The following SAMMSON variants were observed in gnomAD, a reference collection of about 807,000 sequenced individuals.
SAMMSON encodes long intergenic non-protein coding RNA 1212.
chr3:70,356,325 G>A (rs986597623), intron 8 of SAMMSON, among the ~76,000 whole-genome samples: 7 of 151,970 alleles, frequency 4.6e-5, no homozygotes, highest in African/African-American at 1.7e-4. Flanking sequence ...TTAAGATTTT[G>A]GCATATGTTT....
chr3:70,211,419 CTTTGCCCTTCCCTTCCCTTCCCTTCCT>C (rs1701345915), intron 4 of SAMMSON, among the ~76,000 whole-genome samples: 1 of 37,062 alleles, frequency 2.7e-5, no homozygotes, highest in Non-Finnish European at 7.0e-5. Flanking sequence ...CTTCCCTTCC[CTTTGCCCTTCCCTTCCCTTCCCTTCCT>C]TTCCCTTCCC....
intron 4 of SAMMSON, among the ~76,000 whole-genome samples, chr3:70,219,943 C>T (rs539850702): frequency 6.6e-6 from 1 of 152,160 alleles, no homozygotes; most frequent in Non-Finnish European, 1.5e-5. Flanking sequence ...ATTTCCTGAG[C>T]AGAAACAATT....
chr3:70,056,114 T>C (rs1375595267), intron 3 of SAMMSON, among the ~76,000 whole-genome samples: 1 of 152,076 alleles, frequency 6.6e-6, no homozygotes, highest in African/African-American at 2.4e-5. Context: ...CTTTCTTTCT[T>C]TCCCATTCTT....
At chr3:70,002,704 G>T (rs2066910991) in intron 1 of SAMMSON, among the ~76,000 whole-genome samples, 1 of 152,110 alleles carries the variant, frequency 6.6e-6, no homozygotes. Flanking sequence ...TACTAATTTA[G>T]TTGCTAGAGG....
chr3:70,234,729 C>A (rs1030533724), intron 4 of SAMMSON, among the ~76,000 whole-genome samples: 1 of 152,072 alleles, frequency 6.6e-6, no homozygotes, highest in African/African-American at 2.4e-5. Flanking sequence ...AATTTGAAAT[C>A]TTTGTGATCT....
At chr3:70,075,997 T>C (rs556803353) in intron 4 of SAMMSON, among the ~76,000 whole-genome samples, 2 of 152,160 alleles carry the variant, frequency 1.3e-5, no homozygotes, top group African/African-American at 2.4e-5. Flanking sequence ...GTAGAACTTA[T>C]GAATACTTAA....
intron 7 of SAMMSON, among the ~76,000 whole-genome samples, chr3:70,337,044 T>C (rs1303075074): frequency 8.3e-6 from 1 of 120,524 alleles, no homozygotes; most frequent in Admixed American, 8.5e-5. Flanking sequence ...ATATCTAACT[T>C]AATATTATTA....
At position 70,170,156 on chromosome 3, in the gene SAMMSON, C is replaced by T. The variant is rs2106698703; in HGVS notation, n.508-78951C>T. 2.0e-5 allele frequency among the ~76,000 whole-genome samples: 3 copies of T among 151,930 alleles called. No homozygotes were observed. In the East Asian group the frequency reaches 5.8e-4, roughly 29 times the overall value. On this transcript the variant is annotated intron_variant and non_coding_transcript_variant, in intron 4 of 9. Transcript: ENST00000642114. The stretch of plus-strand genomic sequence containing the variant: ...GAGTTTTATGATTTTATAGTTAAAT[C>T]AATACCCAGATTTATGCCTTTTGGA...
chr3:70,252,656 A>G (rs1463171832), intron 6 of SAMMSON, among the ~76,000 whole-genome samples: 1 of 152,172 alleles, frequency 6.6e-6, no homozygotes, highest in African/African-American at 2.4e-5. Flanking sequence ...GTTCCAACTA[A>G]TTTCATCATT....
intron 4 of SAMMSON, among the ~76,000 whole-genome samples, chr3:70,212,767 T>C (rs1701364073): frequency 6.6e-6 from 1 of 151,856 alleles, no homozygotes; most frequent in Non-Finnish European, 1.5e-5. Context: ...AATGGCTCAC[T>C]ATTACCTGAA....
At chr3:70,235,947 C>A (rs1183566679) in intron 4 of SAMMSON, among the ~76,000 whole-genome samples, 2 of 152,144 alleles carry the variant, frequency 1.3e-5, no homozygotes, top group Non-Finnish European at 2.9e-5. Context: ...CCATTTTTCC[C>A]ACCATCATGA....
intron 7 of SAMMSON, among the ~76,000 whole-genome samples, chr3:70,311,561 T>G (rs1259086976): frequency 2.6e-5 from 4 of 152,200 alleles, no homozygotes; most frequent in Admixed American, 2.6e-4. Context: ...TTTAGTCTTC[T>G]TGGCTATAAA....
At chr3:70,068,335 C>A (rs1214542194) in intron 3 of SAMMSON, 1 of 151,988 alleles carries the variant, frequency 6.6e-6, no homozygotes. Flanking sequence ...CTCCCTGAAG[C>A]CTGCAAGGGA....
intron 7 of SAMMSON, among the ~76,000 whole-genome samples, chr3:70,326,567 T>G (rs535312356): frequency 6.6e-6 from 1 of 152,142 alleles, no homozygotes; most frequent in Non-Finnish European, 1.5e-5. Flanking sequence ...TCGGCATGAA[T>G]TTCAGTCCAG....
chr3:70,292,032 C>T (rs910488704), intron 7 of SAMMSON: 1 of 152,180 alleles, frequency 6.6e-6, no homozygotes, highest in Non-Finnish European at 1.5e-5. Context: ...TAAATAGTCT[C>T]TTCCTTCAAG....
chr3:70,230,397 G>C (rs1701546914), intron 4 of SAMMSON, among the ~76,000 whole-genome samples: 1 of 152,034 alleles, frequency 6.6e-6, no homozygotes, highest in Non-Finnish European at 1.5e-5. Context: ...GTGTATATTT[G>C]AGGGCTGGTG....
chr3:70,039,814 T>C (rs2067099913), intron 3 of SAMMSON, among the ~76,000 whole-genome samples: 1 of 152,074 alleles, frequency 6.6e-6, no homozygotes, highest in Admixed American at 6.6e-5. Flanking sequence ...GGAACAGGAA[T>C]CTTGGTGGAG....
At chr3:70,302,718 C>T (rs1702363109) in intron 7 of SAMMSON, 1 of 152,192 alleles carries the variant, frequency 6.6e-6, no homozygotes, top group South Asian at 2.1e-4. Flanking sequence ...ATTTGATGTA[C>T]TGCCTTATCA....
At chr3:70,425,879 G>C (rs1701361754) in intron 2 of SAMMSON, among the ~76,000 whole-genome samples, 1 of 152,172 alleles carries the variant, frequency 6.6e-6, no homozygotes, top group African/African-American at 2.4e-5. Flanking sequence ...TAATTCTCTT[G>C]GGGCCACATG....
Sources: gnomAD v4.1 joint callset for allele counts (sites outside exome capture counted in the v4.1 genomes callset) on GRCh38, gnomAD v4.1.1 for gene constraint, MANE v1.5 for transcripts, NCBI Gene and HGNC (gene_info 2026-07-23, HGNC 2026-07-21) for gene names.